Variants in DIAPH3 observed in about 807,000 individuals in gnomAD.
The protein encoded by DIAPH3 is diaphanous related formin 3, also known as protein diaphanous homolog 3.
Under a neutral mutation model 144.3 loss-of-function variants are expected in DIAPH3, and 117 were observed. The observed-to-expected ratio is 0.81, with a 90% CI of 0.70 to 0.95. The LOEUF is 0.95. DIAPH3 is among the 40% of genes least tolerant of loss of function. The probability of loss-of-function intolerance (pLI) is 0.00; values close to 1 mark genes in which losing one functional copy is unlikely to be tolerated. For missense variants in DIAPH3, 1,421 were observed against 1,412.7 expected (o/e 1.01, Z -0.09); for synonymous variants, 519 against 488.9 (o/e 1.06, Z -0.81).
chr13:59,821,210 A>G (rs1037721444), intron 24 of DIAPH3, among the ~76,000 whole-genome samples: 1 of 152,042 alleles, frequency 6.6e-6, no homozygotes, highest in African/African-American at 2.4e-5. Context: ...TTAAGTCTCC[A>G]TGTTTTCCAG....
chr13:60,050,621 C>A (rs1251891014), intron 4 of DIAPH3, among the ~76,000 whole-genome samples: 1 of 152,118 alleles, frequency 6.6e-6, no homozygotes, highest in Non-Finnish European at 1.5e-5. Context: ...GTGACAAAGT[C>A]TAAAATATTT....
intron 4 of DIAPH3, among the ~76,000 whole-genome samples, chr13:60,046,993 G>C (rs2056100596): frequency 6.6e-6 from 1 of 152,106 alleles, no homozygotes; most frequent in African/African-American, 2.4e-5. Flanking sequence ...GGGGCTAAGA[G>C]AGGGATAGCA....
intron 14 of DIAPH3, among the ~76,000 whole-genome samples, chr13:59,975,780 T>C (rs1475039496): frequency 6.6e-6 from 1 of 152,028 alleles, no homozygotes; most frequent in Non-Finnish European, 1.5e-5. Flanking sequence ...TGTTCCTTTA[T>C]TAAAATAACA....
At chr13:59,713,144 G>A (rs1421891978) in intron 27 of DIAPH3, among the ~76,000 whole-genome samples, 3 of 151,996 alleles carry the variant, frequency 2.0e-5, no homozygotes, top group Non-Finnish European at 2.9e-5. Flanking sequence ...GGGGGTTGTG[G>A]ACCCCTGTAC....
intron 24 of DIAPH3, among the ~76,000 whole-genome samples, chr13:59,818,772 T>C (rs2040912484): frequency 6.6e-6 from 1 of 151,872 alleles, no homozygotes; most frequent in Non-Finnish European, 1.5e-5. Context: ...TTTATTTAGA[T>C]GTATTGTGCA....
At chr13:59,806,189 C>T (rs1410422847) in intron 25 of DIAPH3, among the ~76,000 whole-genome samples, 1 of 151,986 alleles carries the variant, frequency 6.6e-6, no homozygotes, top group South Asian at 2.1e-4. Flanking sequence ...AAGTTCCTGG[C>T]CCAGTGAGGT....
intron 25 of DIAPH3, among the ~76,000 whole-genome samples, chr13:59,792,254 CTA>C (rs1412981733): frequency 2.0e-5 from 3 of 152,138 alleles, no homozygotes; most frequent in Non-Finnish European, 4.4e-5. Context: ...ATCAAAGCTG[CTA>C]TGTCAGGCTG....
At chr13:59,745,239 A>G (rs896769928) in intron 27 of DIAPH3, among the ~76,000 whole-genome samples, 2 of 152,220 alleles carry the variant, frequency 1.3e-5, no homozygotes, top group African/African-American at 4.8e-5. Context: ...GGACTAAAAA[A>G]CAACACAGCA....
At position 59,670,879 on chromosome 13, in the gene DIAPH3, C is replaced by T. The variant is rs1013812938; in HGVS notation, c.3320-4033G>A. ...GATTTCAGGTGTGAGCTACTGCACC[C>T]GGCCGGAAGTTCACTTTTTTAAAGC... On this transcript the variant is annotated intron_variant, in intron 27 of 27. Coordinates refer to ENST00000400324, the MANE Select transcript of DIAPH3 (RefSeq NM_001042517.2). Among the ~76,000 whole-genome samples, 7 of 152,028 alleles carry T rather than the reference C, an allele frequency of 4.6e-5. No homozygotes were observed. In the East Asian group the frequency reaches 7.7e-4, roughly 17 times the overall value.
Position 59,987,494 on chromosome 13 carries a change from A to G in DIAPH3, c.1362-3607T>C, listed in dbSNP as rs993061069. ...GTATAATAAAAAAAAAAAAAAGAAA[A>G]AAAAAAAAGACCAAACCAAAAAAAA... On this transcript the variant is annotated intron_variant, in intron 12 of 27. Transcript: ENST00000400324. Among the ~76,000 whole-genome samples, 28 of 131,342 alleles carry G rather than the reference A, an allele frequency of 2.1e-4. 1 individual carries two copies. In the South Asian group the frequency reaches 5.4e-3, roughly 25 times the overall value. 86.2% of individuals were successfully genotyped at this position (131,342 alleles called of 152,430 possible).
intron 27 of DIAPH3, among the ~76,000 whole-genome samples, chr13:59,685,668 T>C (rs898236001): frequency 6.6e-6 from 1 of 152,058 alleles, no homozygotes; most frequent in Non-Finnish European, 1.5e-5. Context: ...ATGGATTCCT[T>C]GTTCTGTTGA....
intron 8 of DIAPH3, among the ~76,000 whole-genome samples, chr13:60,009,714 C>T (rs2053120954): frequency 6.6e-6 from 1 of 152,106 alleles, no homozygotes; most frequent in South Asian, 2.1e-4. Flanking sequence ...CTTTGACTAT[C>T]CAACCATCAA....
At chr13:59,948,439 T>C (rs907008542) in intron 17 of DIAPH3, among the ~76,000 whole-genome samples, 11 of 152,236 alleles carry the variant, frequency 7.2e-5, no homozygotes, top group Admixed American at 5.9e-4. Context: ...TAGTTTCCAT[T>C]ACACTTAGTT....
At chr13:59,681,258 A>C (rs2032930390) in intron 27 of DIAPH3, among the ~76,000 whole-genome samples, 1 of 152,154 alleles carries the variant, frequency 6.6e-6, no homozygotes, top group Admixed American at 6.5e-5. Context: ...ATTGCTTGAG[A>C]CCAGGACTTT....
intron 15 of DIAPH3, among the ~76,000 whole-genome samples, chr13:59,973,120 A>G (rs1436275359): frequency 1.3e-5 from 2 of 152,106 alleles, no homozygotes; most frequent in Non-Finnish European, 2.9e-5. Flanking sequence ...AATTTAGGAG[A>G]TTCCTTGATT....
chr13:59,886,865 T>C (rs1372901788), intron 20 of DIAPH3, among the ~76,000 whole-genome samples: 2 of 152,076 alleles, frequency 1.3e-5, no homozygotes, highest in Non-Finnish European at 2.9e-5. Flanking sequence ...AAAGATGGTA[T>C]ACTTTCTTTC....
intron 17 of DIAPH3, among the ~76,000 whole-genome samples, chr13:59,940,526 TA>T (rs779984383): frequency 3.4e-4 from 52 of 152,310 alleles, no homozygotes; most frequent in Non-Finnish European, 6.0e-4. Context: ...TTCTAATCTC[TA>T]AAATGTTTGA....
chr13:59,969,888 AG>A, intron 17 of DIAPH3, 55 bp downstream of exon 17: 1 of 1,120,006 alleles, frequency 8.9e-7, no homozygotes, highest in Non-Finnish European at 1.3e-6. Context: ...ATACATAAAA[AG>A]TATATGTTAA....
chr13:59,931,901 A>C (rs184432064), intron 17 of DIAPH3, among the ~76,000 whole-genome samples: 1 of 152,314 alleles, frequency 6.6e-6, no homozygotes, highest in Non-Finnish European at 1.5e-5. Flanking sequence ...ACAGATGTGG[A>C]GAAGAGAAAA....
Sources: gnomAD v4.1 joint callset for allele counts (sites outside exome capture counted in the v4.1 genomes callset) on GRCh38, gnomAD v4.1.1 for gene constraint, MANE v1.5 for transcripts, NCBI Gene and HGNC (gene_info 2026-07-23, HGNC 2026-07-21) for gene names.